Variants in WWOX observed in about 807,000 individuals in gnomAD.
WWOX encodes WW domain-containing oxidoreductase.
Under a neutral mutation model 46.2 loss-of-function variants are expected in WWOX, and 69 were observed. That is an observed-to-expected ratio of 1.49 (90% confidence interval 1.23 to 1.82). The LOEUF is 1.82. Among genes scored for constraint, WWOX ranks in the 40% most tolerant of loss-of-function variants. WWOX has a pLI of 0.00. For missense variants in WWOX, 919 were observed against 542.6 expected (o/e 1.69, Z -6.89); for synonymous variants, 359 against 202.6 (o/e 1.77, Z -6.56).
chr16:78,536,823 C>G (rs771344211), intron 8 of WWOX, among the ~76,000 whole-genome samples: 1 of 150,664 alleles, frequency 6.6e-6, no homozygotes, highest in Non-Finnish European at 1.5e-5. Flanking sequence ...GTCTGTGTAG[C>G]TTCATCATAG....
intron 5 of WWOX, among the ~76,000 whole-genome samples, chr16:78,250,568 CT>C (rs2037957937): frequency 6.6e-6 from 1 of 152,154 alleles, no homozygotes; most frequent in African/African-American, 2.4e-5. Context: ...TGCTGAACCC[CT>C]ATTAACCTCA....
At chr16:78,800,247 C>T (rs1300451771) in intron 8 of WWOX, among the ~76,000 whole-genome samples, 1 of 146,476 alleles carries the variant, frequency 6.8e-6, no homozygotes. Flanking sequence ...TGTTCCATGG[C>T]AAAAAAAAAA....
intron 8 of WWOX, among the ~76,000 whole-genome samples, chr16:79,048,777 C>T (rs111266115): frequency 1.2e-4 from 19 of 152,288 alleles, no homozygotes; most frequent in African/African-American, 4.1e-4. Flanking sequence ...GCAGGAGCCT[C>T]GTTACCACCT....
At chr16:78,457,199 G>T (rs2083840807) in intron 8 of WWOX, among the ~76,000 whole-genome samples, 1 of 152,150 alleles carries the variant, frequency 6.6e-6, no homozygotes, top group African/African-American at 2.4e-5. Context: ...GACCTTTCAG[G>T]AACCTTCCTG....
intron 8 of WWOX, among the ~76,000 whole-genome samples, chr16:78,710,498 A>ATATATATATATATATATATATATTTT (rs941311575): frequency 9.8e-5 from 13 of 132,800 alleles, no homozygotes; most frequent in African/African-American, 3.4e-4. Context: ...ATATATATAT[A>ATATATATATATATATATATATATTTT]TTTATATAAA....
intron 5 of WWOX, among the ~76,000 whole-genome samples, chr16:78,316,873 G>A (rs939290570): frequency 6.6e-6 from 1 of 152,198 alleles, no homozygotes; most frequent in Non-Finnish European, 1.5e-5. Flanking sequence ...TGCACCCTGG[G>A]ACATGCCTCC....
intron 6 of WWOX, among the ~76,000 whole-genome samples, chr16:78,413,288 TG>T (rs2082724619): frequency 6.6e-6 from 1 of 152,148 alleles, no homozygotes; most frequent in African/African-American, 2.4e-5. Flanking sequence ...CGTGTCCATG[TG>T]AAGAGACCAC....
rs778033591 is a variant in WWOX, at chr16:78,629,435, C to T, written c.1056+196683C>T. ...CCTCTTGACTCTCTTGAAATCCCTTCTTCAGGCAGAAGCTGGAGTCATTTC... is the reference window on the plus strand; with the variant it reads ...CCTCTTGACTCTCTTGAAATCCCTTTTTCAGGCAGAAGCTGGAGTCATTTC... On this transcript the variant is annotated intron_variant, in intron 8 of 8. Transcript: ENST00000566780. Among the ~76,000 whole-genome samples, 5 of 152,212 alleles carry T rather than the reference C, an allele frequency of 3.3e-5. No homozygotes were observed. The South Asian group carries it at 1.0e-3, about 32-fold the overall frequency.
At chr16:78,899,553 A>G (rs1027823498) in intron 8 of WWOX, 4 of 152,186 alleles carry the variant, frequency 2.6e-5, no homozygotes, top group African/African-American at 7.2e-5. Context: ...CAGTGGGTTT[A>G]TATTTCAGCG....
chr16:78,921,839 C>T (rs371215408), intron 8 of WWOX, among the ~76,000 whole-genome samples: 1 of 152,170 alleles, frequency 6.6e-6, no homozygotes, highest in East Asian at 1.9e-4. Context: ...CAAACCCATC[C>T]TCATGGCTGA....
At chr16:78,322,651 C>T (rs528716510) in intron 5 of WWOX, among the ~76,000 whole-genome samples, 1 of 152,200 alleles carries the variant, frequency 6.6e-6, no homozygotes, top group East Asian at 1.9e-4. Flanking sequence ...GGTGTGGCTA[C>T]CTCCAATGAT....
chr16:78,452,742 G>A (rs547377528), intron 8 of WWOX, among the ~76,000 whole-genome samples: 184 of 151,910 alleles, frequency 1.2e-3, no homozygotes, highest in African/African-American at 4.2e-3. Context: ...CTCCCGAAGT[G>A]CTGGGATTAC....
intron 8 of WWOX, among the ~76,000 whole-genome samples, chr16:78,736,339 G>T (rs1178424990): frequency 6.6e-6 from 1 of 152,120 alleles, no homozygotes; most frequent in South Asian, 2.1e-4. Context: ...GGTGGACAAG[G>T]ATGCCAGCAA....
chr16:78,190,621 C>G lies in WWOX; in HGVS notation c.516+26332C>G, dbSNP rs528016417. On this transcript the variant is annotated intron_variant, in intron 5 of 8. Transcript: ENST00000566780. The stretch of plus-strand genomic sequence containing the variant: ...TGGGCCCCAGGTAGAGTGATTGGCT[C>G]AGATCCTGCATCCTTTCAGGGTCTG... 5.1e-4 allele frequency among the ~76,000 whole-genome samples: 77 copies of G among 152,250 alleles called. 1 individual carries two copies. In the South Asian group the frequency reaches 0.015, roughly 30 times the overall value.
intron 8 of WWOX, among the ~76,000 whole-genome samples, chr16:79,011,823 C>T (rs559161427): frequency 6.6e-6 from 1 of 152,046 alleles, no homozygotes; most frequent in Middle Eastern, 3.4e-3. Flanking sequence ...AAACAAAAAA[C>T]TCTTTTGTGT....
At chr16:78,914,878 CAGA>C (rs1209002065) in intron 8 of WWOX, among the ~76,000 whole-genome samples, 2 of 65,676 alleles carry the variant, frequency 3.0e-5, no homozygotes, top group Admixed American at 2.2e-4. Context: ...GACTCCGCCT[CAGA>C]AAAAAAAAAA....
chr16:79,124,511 T>G (rs1191468690), intron 8 of WWOX, among the ~76,000 whole-genome samples: 2 of 152,190 alleles, frequency 1.3e-5, no homozygotes, highest in Non-Finnish European at 2.9e-5. Flanking sequence ...CCTGTCACGT[T>G]AGGACTGAGT....
chr16:79,056,093 A>AT (rs1026106821), intron 8 of WWOX, among the ~76,000 whole-genome samples: 3 of 152,058 alleles, frequency 2.0e-5, no homozygotes, highest in Non-Finnish European at 4.4e-5. Context: ...GTAAAAAAAA[A>AT]GGAAAACCAC....
At chr16:78,459,353 C>G (rs774445113) in intron 8 of WWOX, among the ~76,000 whole-genome samples, 2 of 152,158 alleles carry the variant, frequency 1.3e-5, no homozygotes, top group African/African-American at 2.4e-5. Context: ...AATAAATGCC[C>G]TTTTCTTGCA....
Sources: allele counts gnomAD v4.1 joint callset (sites outside exome capture counted in the v4.1 genomes callset), GRCh38; gene constraint gnomAD v4.1.1; transcripts MANE v1.5; gene names NCBI Gene and HGNC (gene_info 2026-07-23, HGNC 2026-07-21).